ERC2: variants seen among roughly 807,000 people sequenced by gnomAD.
The protein encoded by ERC2 is ELKS/RAB6-interacting/CAST family member 2.
In ERC2, 42 loss-of-function variants were observed where a neutral mutation model predicts 114.8. The ratio of observed to expected loss-of-function variants is 0.37; its 90% CI spans 0.29 to 0.47. The LOEUF is 0.47. ERC2 is among the 20% of genes least tolerant of loss of function. The probability of loss-of-function intolerance (pLI) is 0.99; values close to 1 mark genes in which losing one functional copy is unlikely to be tolerated. For synonymous variants in ERC2, 454 were observed against 425.5 expected, an observed-to-expected ratio of 1.07 and a Z score of -0.82; for missense variants, 939 against 1,150.7, an observed-to-expected ratio of 0.82 and a Z score of 2.66.
intron 17 of ERC2, among the ~76,000 whole-genome samples, chr3:55,534,121 C>T (rs1053824736): frequency 3.3e-5 from 5 of 152,162 alleles, no homozygotes; most frequent in African/African-American, 1.2e-4. Context: ...AGATCCTGTA[C>T]TGAAGAACTT....
chr3:55,589,131 C>T (rs1575677617), intron 17 of ERC2, among the ~76,000 whole-genome samples: 1 of 147,902 alleles, frequency 6.8e-6, no homozygotes, highest in African/African-American at 2.5e-5. Context: ...GTCATCCTAG[C>T]GCTTTGGGAG....
At chr3:55,675,894 CTTTTCTTTCTTTTTTTTTTTTTTTTT>C (rs1480045105) in intron 17 of ERC2, among the ~76,000 whole-genome samples, 17 of 70,508 alleles carry the variant, frequency 2.4e-4, no homozygotes, top group South Asian at 1.8e-3. Flanking sequence ...CTTTCTTTCT[CTTTTCTTTCTTTTTTTTTTTTTTTTT>C]TTTTTTTTTT....
intron 3 of ERC2, among the ~76,000 whole-genome samples, chr3:56,259,466 T>A (rs562574392): frequency 1.2e-4 from 18 of 152,168 alleles, no homozygotes; most frequent in African/African-American, 3.6e-4. Context: ...GTAGCCAATT[T>A]TATGAAAAAT....
intron 14 of ERC2, among the ~76,000 whole-genome samples, chr3:55,864,742 G>A (rs1306407698): frequency 1.3e-5 from 2 of 152,016 alleles, no homozygotes; most frequent in Non-Finnish European, 2.9e-5. Flanking sequence ...TTGCCAAACT[G>A]TCACCATCAT....
intron 17 of ERC2, among the ~76,000 whole-genome samples, chr3:55,591,485 C>G (rs1187796230): frequency 1.3e-5 from 2 of 151,836 alleles, no homozygotes; most frequent in Non-Finnish European, 2.9e-5. Flanking sequence ...ACACTGAGAC[C>G]CAGGGCGAAG....
At chr3:55,744,169 G>A (rs150525650) in intron 14 of ERC2, among the ~76,000 whole-genome samples, 2 of 152,226 alleles carry the variant, frequency 1.3e-5, no homozygotes, top group African/African-American at 2.4e-5. Flanking sequence ...TTGGGAGGCC[G>A]AGGTGGGTGT....
chr3:55,830,390 T>C (rs1020528709), intron 14 of ERC2, among the ~76,000 whole-genome samples: 1 of 152,238 alleles, frequency 6.6e-6, no homozygotes. Flanking sequence ...CAACAGCAAC[T>C]GCAAATATCT....
At chr3:55,750,738 A>T (rs1414550441) in intron 14 of ERC2, among the ~76,000 whole-genome samples, 2 of 152,202 alleles carry the variant, frequency 1.3e-5, no homozygotes, top group Non-Finnish European at 2.9e-5. Context: ...GAATACCACC[A>T]CCAAGGAAGA....
At chr3:55,772,278 G>A (rs1353581704) in intron 14 of ERC2, among the ~76,000 whole-genome samples, 2 of 151,974 alleles carry the variant, frequency 1.3e-5, no homozygotes, top group Non-Finnish European at 2.9e-5. Context: ...AAGTAGCTGG[G>A]ACTGCAGGCA....
At chr3:56,052,490 G>A (rs1386630496) in intron 7 of ERC2, among the ~76,000 whole-genome samples, 2 of 152,218 alleles carry the variant, frequency 1.3e-5, no homozygotes, top group African/African-American at 2.4e-5. Context: ...ACTACAAATG[G>A]CAGAACTGAA....
chr3:55,864,174 T>TATATATACACATATATATATATACAC (rs1559783307), intron 14 of ERC2, among the ~76,000 whole-genome samples: 1 of 123,946 alleles, frequency 8.1e-6, no homozygotes, highest in African/African-American at 3.0e-5. Flanking sequence ...TATACACATA[T>TATATATACACATATATATATATACAC]ATATATACAC....
intron 4 of ERC2, among the ~76,000 whole-genome samples, chr3:56,152,753 ATTTC>A (rs1236732789): frequency 6.6e-6 from 1 of 152,200 alleles, no homozygotes; most frequent in Non-Finnish European, 1.5e-5. Context: ...CTTTTCAATC[ATTTC>A]TTTCTACACA....
At position 55,734,905 on chromosome 3, in the gene ERC2, G is replaced by A; in HGVS notation, c.2578C>T (p.Leu860Phe). ...EILEMKQEAL[L>F]AAISEKDANI... Reference sequence around the variant, plus strand: ...GCATCTTTTTCACTGATGGCTGCAAGTAGTGCTTCCTGTCTGGTAAAATAA... The same window carrying A: ...GCATCTTTTTCACTGATGGCTGCAAATAGTGCTTCCTGTCTGGTAAAATAA... Residue 860 changes from leucine (L) to phenylalanine (F), a missense_variant, in exon 15 of 18, where the codon CTT becomes TTT. By Grantham distance (22) the Leu-to-Phe change is conservative. Coordinates refer to ENST00000288221, the MANE Select transcript of ERC2 (RefSeq NM_015576.3). The A allele has an allele frequency of 6.3e-7, 1 of 1,599,736 alleles. No individual in the cohort carries two copies. Among genetic ancestry groups the A allele is most frequent in the Non-Finnish European group, 8.5e-7 (1 of 1,173,126 alleles).
chr3:55,752,795 T>G (rs1272081616), intron 14 of ERC2, among the ~76,000 whole-genome samples: 2 of 152,072 alleles, frequency 1.3e-5, no homozygotes, highest in Non-Finnish European at 2.9e-5. Context: ...TGTCTCAAAA[T>G]AAAATAGATT....
intron 4 of ERC2, among the ~76,000 whole-genome samples, chr3:56,157,397 C>T (rs534226652): frequency 1.3e-5 from 2 of 152,314 alleles, no homozygotes; most frequent in Admixed American, 1.3e-4. Flanking sequence ...GGGCCATCCC[C>T]TCAACAATGG....
rs1005488763 is a variant in ERC2 at position 55,874,470 on chromosome 3, G to T, written c.2564+13919C>A. ...ACCACAGAATGGTGGTTTTGTTTTGGTGCTTTGACTTTAGTATCAATCAGC... is the reference window on the plus strand; with the variant it reads ...ACCACAGAATGGTGGTTTTGTTTTGTTGCTTTGACTTTAGTATCAATCAGC... On this transcript the variant is annotated intron_variant, in intron 14 of 17. Coordinates refer to ENST00000288221, the MANE Select transcript of ERC2 (RefSeq NM_015576.3). 2.0e-5 allele frequency among the ~76,000 whole-genome samples: 3 copies of T among 152,070 alleles called. 1 individual carries two copies. The highest frequency in any genetic ancestry group is 1.5e-5 in the Non-Finnish European group (1 of 68,002).
chr3:55,876,567 G>C (rs2062856680), intron 14 of ERC2, among the ~76,000 whole-genome samples: 1 of 152,230 alleles, frequency 6.6e-6, no homozygotes, highest in African/African-American at 2.4e-5. Flanking sequence ...AAAGTGGAAA[G>C]AGAGTAAAAG....
At chr3:56,190,839 G>A (rs772380830) in intron 3 of ERC2, among the ~76,000 whole-genome samples, 8 of 152,162 alleles carry the variant, frequency 5.3e-5, no homozygotes, top group Non-Finnish European at 1.2e-4. Flanking sequence ...CTCCCAAAGT[G>A]CTGAGATTAC....
intron 5 of ERC2, among the ~76,000 whole-genome samples, chr3:56,144,857 T>A (rs894280569): frequency 6.6e-6 from 1 of 151,910 alleles, no homozygotes; most frequent in African/African-American, 2.4e-5. Context: ...GTAAAAAAAA[T>A]CATATTCTCC....
Sources: gnomAD v4.1 joint callset for allele counts (sites outside exome capture counted in the v4.1 genomes callset) on GRCh38, gnomAD v4.1.1 for gene constraint, MANE v1.5 for transcripts, NCBI Gene and HGNC (gene_info 2026-07-23, HGNC 2026-07-21) for gene names.